OLFML2A: variants seen among roughly 807,000 people sequenced by gnomAD.
The protein encoded by OLFML2A is olfactomedin-like protein 2A.
Under a neutral mutation model 60.9 loss-of-function variants are expected in OLFML2A, and 47 were observed. The ratio of observed to expected loss-of-function variants is 0.77; its 90% CI spans 0.61 to 0.98. OLFML2A has a LOEUF of 0.98. Among genes scored for constraint, OLFML2A ranks in the 50% least tolerant of loss-of-function variants. The pLI is 0.00. For missense variants in OLFML2A, 922 were observed against 879.8 expected (o/e 1.05, Z -0.61); for synonymous variants, 372 against 375.0 (o/e 0.99, Z 0.09).
chr9:124,808,252 G>C (rs1018646618), intron 7 of OLFML2A, among the ~76,000 whole-genome samples: 1 of 152,352 alleles, frequency 6.6e-6, no homozygotes, highest in Non-Finnish European at 1.5e-5. Context: ...TACCATCAAG[G>C]GGCCAATACT....
intron 7 of OLFML2A, among the ~76,000 whole-genome samples, chr9:124,808,876 C>A (rs1385504024): frequency 6.6e-6 from 1 of 151,836 alleles, no homozygotes; most frequent in Non-Finnish European, 1.5e-5. Context: ...CTGGAACAGG[C>A]CGGGCGTGGT....
intron 4 of OLFML2A, chr9:124,801,197 G>T (rs1175098579): frequency 4.3e-6 from 4 of 934,130 alleles, no homozygotes; most frequent in Non-Finnish European, 6.4e-6. Context: ...CTTCAAGCCT[G>T]CAAGGGAGCT....
intron 6 of OLFML2A, among the ~76,000 whole-genome samples, chr9:124,805,219 A>G (rs1224264230): frequency 6.6e-6 from 1 of 151,912 alleles, no homozygotes; most frequent in East Asian, 1.9e-4. Flanking sequence ...TGTGGTGAAA[A>G]TCCTTCAAAC....
chr9:124,782,789 G>C (rs927133338), intron 1 of OLFML2A, among the ~76,000 whole-genome samples: 1 of 152,198 alleles, frequency 6.6e-6, no homozygotes, highest in Non-Finnish European at 1.5e-5. Context: ...GGAATGTCAC[G>C]GTCCGATGTG....
intron 2 of OLFML2A, among the ~76,000 whole-genome samples, chr9:124,790,901 C>G (rs1051416771): frequency 4.6e-5 from 7 of 152,234 alleles, no homozygotes. Flanking sequence ...CCCAGCCCTT[C>G]CCCTCAAGCT....
At position 124,777,510 on chromosome 9, in the gene OLFML2A, C is replaced by A; in HGVS notation, c.90+150C>A. ...AACCTGGGACTTCTCAGCACTGAAGCCGCAGGGGCAGGGGCCCCGAGAGAG... is the reference window on the plus strand; with the variant it reads ...AACCTGGGACTTCTCAGCACTGAAGACGCAGGGGCAGGGGCCCCGAGAGAG... On this transcript the variant is annotated intron_variant, in intron 1 of 7. Coordinates refer to ENST00000373580, the MANE Select transcript of OLFML2A (RefSeq NM_182487.4). The surrounding 1 kb of genome is among the most constrained non-coding windows in gnomAD (Gnocchi z 6.2). 1.1e-6 allele frequency: 1 copy of A among 877,600 alleles called. No individual in the cohort carries two copies. Among genetic ancestry groups the A allele is most frequent in the Non-Finnish European group, 1.5e-6 (1 of 671,880 alleles). 54.4% of individuals were successfully genotyped at this position (877,600 alleles called of 1,614,324 possible). A position where few individuals can be genotyped will look rare whatever the true frequency, so the allele number is the denominator to read the frequency against.
chr9:124,808,170 C>T lies in OLFML2A; in HGVS notation c.1354+204C>T, dbSNP rs117207454. Among the ~76,000 whole-genome samples, 1,250 of 152,336 alleles carry T rather than the reference C, an allele frequency of 8.2e-3. 55 individuals are homozygous for T. The highest frequency in any genetic ancestry group is 0.064 in the Admixed American group (974 of 15,304). ...ACAGACCCCATGGCACCCCGGTGTG[C>T]TAGCACCCTGCCAGGAACCAGAATG... On this transcript the variant is annotated intron_variant, in intron 7 of 7. Coordinates refer to ENST00000373580, the MANE Select transcript of OLFML2A (RefSeq NM_182487.4).
At chr9:124,805,367 C>T (rs906147443) in intron 6 of OLFML2A, among the ~76,000 whole-genome samples, 5 of 152,072 alleles carry the variant, frequency 3.3e-5, no homozygotes, top group South Asian at 2.1e-4. Flanking sequence ...GGAAATAACA[C>T]GAAGGGCTGA....
chr9:124,786,962 C>T lies in OLFML2A; in HGVS notation c.91-13C>T, dbSNP rs546741399. 48 of 1,601,442 alleles carry T rather than the reference C, an allele frequency of 3.0e-5. No homozygotes were observed. In the Admixed American group the frequency reaches 6.4e-4, roughly 21 times the overall value. ...CAGCAACTCACTGGAGCCCCTCTTG[C>T]CCCCCGCAACAGGTGTTTGGGGACC... On this transcript the variant is annotated splice_polypyrimidine_tract_variant and intron_variant, in intron 1 of 7. Transcript: ENST00000373580.
In OLFML2A at chr9:124,799,061, G is replaced by T. The variant is rs145102568; in HGVS notation, c.463-224G>T. ...CTTTTACATTTAGTACCATGCACAT[G>T]TATTATCTATTTTTTTAATTCCTTC... On this transcript the variant is annotated intron_variant, in intron 3 of 7. Coordinates refer to ENST00000373580, the MANE Select transcript of OLFML2A (RefSeq NM_182487.4). Among the ~76,000 whole-genome samples, 16 of 152,282 alleles carry T rather than the reference G, an allele frequency of 1.1e-4. No individual in the cohort carries two copies. In the East Asian group the frequency reaches 3.1e-3, roughly 29 times the overall value.
At chr9:124,807,657 A>G (rs540534444) in intron 6 of OLFML2A, 124 bp from the exon 7 acceptor site, 62 of 680,720 alleles carry the variant, frequency 9.1e-5, no homozygotes, top group Admixed American at 1.6e-4. Context: ...GAAAGGGGAA[A>G]GAAGGCCACA....
Position 124,809,783 on chromosome 9 carries a change from G to A in OLFML2A, c.1355-25G>A, listed in dbSNP as rs747170831. 5 of 1,573,054 alleles carry A rather than the reference G, an allele frequency of 3.2e-6. No individual in the cohort carries two copies. In the South Asian group the frequency reaches 4.8e-5, roughly 15 times the overall value. The stretch of plus-strand genomic sequence containing the variant: ...GGGCTGGGGTTGCTCGGGAGGTCTG[G>A]GGTGACCATCGCCCTCGCCTGCAGG... On this transcript the variant is annotated intron_variant, in intron 7 of 7. Coordinates refer to ENST00000373580, the MANE Select transcript of OLFML2A (RefSeq NM_182487.4).
Position 124,799,378 on chromosome 9 carries a change from G to C in OLFML2A, c.556G>C (p.Ala186Pro), listed in dbSNP as rs1336361375. ...GTTGAGGCACTATGAGAATCACTCT[G>C]CCATCATGCTGGGCATCAAGAAGGA... The part of the protein sequence containing the change: ...EQLRHYENHS[A>P]IMLGIKKELS... Residue 186 changes from alanine to proline, a missense_variant, in exon 4 of 8, where the codon GCC (alanine) becomes CCC (proline). Coordinates refer to ENST00000373580, the MANE Select transcript of OLFML2A (RefSeq NM_182487.4). 6.2e-7 allele frequency: 1 copy of C among 1,613,936 alleles called. No individual in the cohort carries two copies. Among genetic ancestry groups the C allele is most frequent in the South Asian group, 1.1e-5 (1 of 91,084 alleles).
intron 3 of OLFML2A, among the ~76,000 whole-genome samples, chr9:124,797,937 A>G (rs1009739541): frequency 1.3e-5 from 2 of 152,180 alleles, no homozygotes; most frequent in Admixed American, 6.5e-5. Context: ...AAAGTAGGCA[A>G]GGAGCCAGAG....
At chr9:124,786,683 T>C (rs1841476963) in intron 1 of OLFML2A, among the ~76,000 whole-genome samples, 1 of 147,774 alleles carries the variant, frequency 6.8e-6, no homozygotes, top group Non-Finnish European at 1.5e-5. Flanking sequence ...ATGGCGCTAC[T>C]GCACTCCAGC....
intron 3 of OLFML2A, among the ~76,000 whole-genome samples, chr9:124,796,100 G>A (rs558677984): frequency 6.6e-6 from 1 of 152,336 alleles, no homozygotes; most frequent in East Asian, 1.9e-4. Context: ...CGGGCGTGGG[G>A]GCTTCCTTTC....
chr9:124,805,310 C>A (rs1432905538), intron 6 of OLFML2A, among the ~76,000 whole-genome samples: 1 of 152,130 alleles, frequency 6.6e-6, no homozygotes, highest in Non-Finnish European at 1.5e-5. Context: ...ACAACAGCTG[C>A]AGCTTAAGTG....
At chr9:124,805,808 G>GTTTTTTTTTTTTTTTTTT (rs59555267) in intron 6 of OLFML2A, among the ~76,000 whole-genome samples, 6 of 71,266 alleles carry the variant, frequency 8.4e-5, no homozygotes, top group Non-Finnish European at 1.2e-4. Flanking sequence ...GGTTTTTTTG[G>GTTTTTTTTTTTTTTTTTT]TTTTTTTTTT....
rs111369507 is a variant in OLFML2A at position 124,812,162 on chromosome 9, C to CT, written c.*1765dup. 2,695 of 140,076 alleles carry CT rather than the reference C, an allele frequency of 0.019. 88 individuals are homozygous for CT. The highest frequency in any genetic ancestry group is 0.089 in the Admixed American group (1,228 of 13,874). The allele number at this position is 140,076 out of a possible 1,614,324, so 8.7% of individuals were successfully genotyped here. The stretch of plus-strand genomic sequence containing the variant: ...AGAGTGTAAGAGTGTAAAGAAATGC[C>CT]TTTTTTTTTTTTTTTGAGTTGGAGT... On this transcript the variant is annotated 3_prime_UTR_variant, in exon 8 of 8. Transcript: ENST00000373580.
Sources: allele counts gnomAD v4.1 joint callset (sites outside exome capture counted in the v4.1 genomes callset), GRCh38; gene constraint gnomAD v4.1.1; non-coding constraint Gnocchi (gnomAD v3.1); transcripts MANE v1.5; gene names NCBI Gene and HGNC (gene_info 2026-07-23, HGNC 2026-07-21).